EPB41L4B: variants seen among roughly 807,000 people sequenced by gnomAD.
EPB41L4B encodes band 4.1-like protein 4B.
Under a neutral mutation model 112.5 loss-of-function variants are expected in EPB41L4B, and 30 were observed. That is an observed-to-expected ratio of 0.27 (90% confidence interval 0.20 to 0.36). EPB41L4B has a LOEUF of 0.36. EPB41L4B is among the 10% of genes least tolerant of loss of function. EPB41L4B has a pLI of 1.00. For missense variants in EPB41L4B, 1,024 were observed against 1,133.3 expected, an observed-to-expected ratio of 0.90 and a Z score of 1.38; for synonymous variants, 408 against 439.7, an observed-to-expected ratio of 0.93 and a Z score of 0.90.
At position 109,208,029 on chromosome 9, in the gene EPB41L4B, C is replaced by T. The variant is rs374357950; in HGVS notation, c.1773G>A (p.Ser591=). The T allele has an allele frequency of 7.9e-5, 127 of 1,613,882 alleles. 1 individual carries two copies. Among genetic ancestry groups the T allele is most frequent in the South Asian group, 9.9e-5 (9 of 91,058 alleles). The change falls in exon 18 of 26, where the codon TCG becomes TCA. Residue 591 remains serine, a synonymous_variant. Coordinates refer to ENST00000374566, the MANE Select transcript of EPB41L4B (RefSeq NM_019114.5). ...AAAGTGGAGTCTGAAGAGTTTTCTC[C>T]GAGACTTTCTTTTCTTCAGCCTGAG... The part of the protein sequence containing the change: ...NINKAEEKKV[S]EKTLQTPLLP...
intron 1 of EPB41L4B, 124 bp downstream of exon 1, chr9:109,320,017 G>A (rs1837795901): frequency 1.3e-6 from 1 of 764,376 alleles, no homozygotes; most frequent in East Asian, 3.7e-5. Flanking sequence ...GCTCGGAGAA[G>A]AGGATGGGGG....
At chr9:109,259,776 T>C (rs1048140278) in intron 6 of EPB41L4B, among the ~76,000 whole-genome samples, 1 of 152,098 alleles carries the variant, frequency 6.6e-6, no homozygotes, top group African/African-American at 2.4e-5. Flanking sequence ...CAAATTTAGT[T>C]CCCAAAAGAG....
chr9:109,176,088 A>G (rs1024234336), intron 25 of EPB41L4B, among the ~76,000 whole-genome samples: 5 of 145,254 alleles, frequency 3.4e-5, no homozygotes, highest in Admixed American at 2.1e-4. Flanking sequence ...ACACACACAC[A>G]CTCATTTGTT....
chr9:109,304,630 G>A (rs1837099310), intron 1 of EPB41L4B, among the ~76,000 whole-genome samples: 1 of 152,138 alleles, frequency 6.6e-6, no homozygotes, highest in Admixed American at 6.6e-5. Context: ...CCTGATCTCT[G>A]TGTGCCTCAA....
intron 22 of EPB41L4B, among the ~76,000 whole-genome samples, chr9:109,190,617 G>A (rs917578296): frequency 6.6e-6 from 1 of 152,236 alleles, no homozygotes; most frequent in Non-Finnish European, 1.5e-5. Flanking sequence ...GACCCGCTTT[G>A]AGGGAGGGTA....
chr9:109,300,563 AC>A (rs1229203564), intron 1 of EPB41L4B: 3 of 152,142 alleles, frequency 2.0e-5, no homozygotes, highest in Non-Finnish European at 2.9e-5. Context: ...AGGTAGGCAG[AC>A]CACTTGTGTT....
At chr9:109,215,226 C>T (rs1237158624) in intron 16 of EPB41L4B, among the ~76,000 whole-genome samples, 1 of 152,154 alleles carries the variant, frequency 6.6e-6, no homozygotes, top group East Asian at 1.9e-4. Flanking sequence ...AAAGAGGGAA[C>T]TCAGTTCAAG....
intron 1 of EPB41L4B, 42 bp from the exon 2 acceptor site, chr9:109,279,963 A>T: frequency 6.7e-7 from 1 of 1,482,470 alleles, no homozygotes; most frequent in East Asian, 2.3e-5. Flanking sequence ...AGGGTGAGAC[A>T]GCTAGATAAG....
chr9:109,227,639 T>A (rs187792850), intron 15 of EPB41L4B, among the ~76,000 whole-genome samples: 6 of 152,060 alleles, frequency 3.9e-5, no homozygotes, highest in African/African-American at 1.4e-4. Context: ...TGGGGTGCAG[T>A]GGCGTGATCT....
intron 1 of EPB41L4B, among the ~76,000 whole-genome samples, chr9:109,314,188 C>A (rs1221909765): frequency 6.6e-6 from 1 of 152,166 alleles, no homozygotes; most frequent in Non-Finnish European, 1.5e-5. Context: ...CCACTCCCAG[C>A]CGGCCAAAGG....
chr9:109,233,118 T>C lies in EPB41L4B; in HGVS notation c.1409+10500A>G, dbSNP rs142535412. 1.2e-3 allele frequency among the ~76,000 whole-genome samples: 184 copies of C among 152,316 alleles called. 1 individual carries two copies. Among genetic ancestry groups the C allele is most frequent in the African/African-American group, 4.3e-3 (179 of 41,564 alleles). ...GATTAGGAGGTTTCTGTGGGTTTCTTATAACATGAGCCTACAGGGATGTTC... is the reference window on the plus strand; with the variant it reads ...GATTAGGAGGTTTCTGTGGGTTTCTCATAACATGAGCCTACAGGGATGTTC... On this transcript the variant is annotated intron_variant, in intron 15 of 25. Coordinates refer to ENST00000374566, the MANE Select transcript of EPB41L4B (RefSeq NM_019114.5).
intron 18 of EPB41L4B, among the ~76,000 whole-genome samples, chr9:109,204,410 G>A (rs1226726613): frequency 6.6e-6 from 1 of 152,142 alleles, no homozygotes; most frequent in Non-Finnish European, 1.5e-5. Context: ...TGGCTTGGAG[G>A]ACATGGCATT....
chr9:109,185,347 C>G, intron 23 of EPB41L4B, 142 bp downstream of exon 23: 1 of 675,930 alleles, frequency 1.5e-6, no homozygotes, highest in South Asian at 1.8e-5. Flanking sequence ...ATCCTCCATC[C>G]ATCTGGAGTG....
chr9:109,192,795 C>T (rs1832506550), intron 21 of EPB41L4B, among the ~76,000 whole-genome samples: 1 of 152,156 alleles, frequency 6.6e-6, no homozygotes, highest in African/African-American at 2.4e-5. Context: ...GATTATGTTG[C>T]TTGCTTTTGG....
chr9:109,293,848 T>G lies in EPB41L4B; in HGVS notation c.307-13927A>C, dbSNP rs368190784. On this transcript the variant is annotated intron_variant, in intron 1 of 25. Transcript: ENST00000374566. ...CCATATTAGAACTCAATAAACCACA[T>G]TGAAAAGAGGAGAAGGGGATGTACA... Among the ~76,000 whole-genome samples the G allele has an allele frequency of 2.0e-5, 3 of 151,968 alleles. No individual in the cohort carries two copies. The South Asian group carries it at 6.2e-4, about 32-fold the overall frequency.
chr9:109,182,344 A>G (rs1276709890), intron 24 of EPB41L4B, among the ~76,000 whole-genome samples: 2 of 152,244 alleles, frequency 1.3e-5, no homozygotes, highest in South Asian at 2.1e-4. Context: ...TATATGAGAT[A>G]TCCAGACTAG....
At chr9:109,215,512 T>G (rs112867677) in intron 16 of EPB41L4B, among the ~76,000 whole-genome samples, 8,133 of 152,126 alleles carry the variant, frequency 0.053, 283 homozygotes, top group African/African-American at 0.083. Context: ...ACTCTTGACC[T>G]AGGCGATCCA....
chr9:109,221,493 C>T (rs1258393180), intron 15 of EPB41L4B, among the ~76,000 whole-genome samples: 3 of 151,898 alleles, frequency 2.0e-5, no homozygotes, highest in Non-Finnish European at 2.9e-5. Flanking sequence ...TCCTTGCTGC[C>T]GCCAGCTTAT....
intron 2 of EPB41L4B, among the ~76,000 whole-genome samples, chr9:109,271,050 G>C (rs980685655): frequency 3.9e-5 from 6 of 152,228 alleles, no homozygotes; most frequent in Non-Finnish European, 8.8e-5. Flanking sequence ...CGAAATTGCT[G>C]TTTGGGCTCT....
Sources: gnomAD v4.1 joint callset for allele counts (sites outside exome capture counted in the v4.1 genomes callset) on GRCh38, gnomAD v4.1.1 for gene constraint, MANE v1.5 for transcripts, NCBI Gene and HGNC (gene_info 2026-07-23, HGNC 2026-07-21) for gene names.